Variants in DOK6 observed in about 807,000 individuals in gnomAD.
DOK6 encodes docking protein 6.
DOK6 carries 22 observed loss-of-function variants against 44.0 expected under a neutral mutation model. The observed-to-expected ratio is 0.50, with a 90% confidence interval of 0.36 to 0.71. The LOEUF is 0.71. Among genes scored for constraint, DOK6 ranks in the 30% least tolerant of loss-of-function variants. The pLI, the probability that DOK6 is intolerant of heterozygous loss-of-function variation, is 0.00. For missense variants in DOK6, 340 were observed against 416.4 expected (o/e 0.82, Z 1.60); for synonymous variants, 166 against 145.5 (o/e 1.14, Z -1.01).
intron 1 of DOK6, among the ~76,000 whole-genome samples, chr18:69,500,097 C>T (rs191610203): frequency 1.1e-3 from 169 of 152,274 alleles, no homozygotes; most frequent in African/African-American, 3.8e-3. Flanking sequence ...ACAGCCAGAA[C>T]GATGCTTGAT....
intron 1 of DOK6, among the ~76,000 whole-genome samples, chr18:69,511,186 G>A (rs1981355613): frequency 6.6e-6 from 1 of 152,098 alleles, no homozygotes; most frequent in South Asian, 2.1e-4. Flanking sequence ...CAGTTATGTA[G>A]CTCTTCAAGA....
At chr18:69,814,913 G>C (rs1175573546) in intron 7 of DOK6, among the ~76,000 whole-genome samples, 3 of 152,068 alleles carry the variant, frequency 2.0e-5, no homozygotes, top group African/African-American at 4.8e-5. Flanking sequence ...GCGACTAGCA[G>C]AGTTTGAGTG....
At chr18:69,816,776 G>A (rs1014017858) in intron 7 of DOK6, among the ~76,000 whole-genome samples, 57 of 152,162 alleles carry the variant, frequency 3.7e-4, no homozygotes, top group Admixed American at 2.6e-4. Flanking sequence ...CTTCAGAGCC[G>A]CTGGTGGCGG....
chr18:69,712,664 G>A (rs1378797551), intron 5 of DOK6, among the ~76,000 whole-genome samples: 2 of 152,114 alleles, frequency 1.3e-5, no homozygotes, highest in African/African-American at 4.8e-5. Flanking sequence ...GGCCAACATG[G>A]CGAAACCCCC....
chr18:69,441,249 A>T (rs992317210), intron 1 of DOK6, among the ~76,000 whole-genome samples: 1 of 152,174 alleles, frequency 6.6e-6, no homozygotes, highest in Non-Finnish European at 1.5e-5. Flanking sequence ...AAAATAGTAT[A>T]AAAGTATGAT....
intron 7 of DOK6, among the ~76,000 whole-genome samples, chr18:69,761,523 T>A (rs1979553413): frequency 6.6e-6 from 1 of 152,154 alleles, no homozygotes; most frequent in Non-Finnish European, 1.5e-5. Flanking sequence ...AGGTCTGTCA[T>A]CCAAAATGGA....
intron 1 of DOK6, among the ~76,000 whole-genome samples, chr18:69,459,672 G>A (rs1979734825): frequency 6.6e-6 from 1 of 152,082 alleles, no homozygotes; most frequent in Non-Finnish European, 1.5e-5. Flanking sequence ...CCATCACTAA[G>A]CTTTCATCAC....
At chr18:69,728,464 C>A (rs1172354836) in intron 5 of DOK6, among the ~76,000 whole-genome samples, 1 of 152,152 alleles carries the variant, frequency 6.6e-6, no homozygotes, top group East Asian at 1.9e-4. Flanking sequence ...CAAAGTCTGC[C>A]TGGCTAGTGA....
At chr18:69,458,895 C>G (rs936743203) in intron 1 of DOK6, among the ~76,000 whole-genome samples, 2 of 151,808 alleles carry the variant, frequency 1.3e-5, no homozygotes, top group Non-Finnish European at 2.9e-5. Context: ...AGTTCAAGAC[C>G]AGCTTGTCCA....
chr18:69,551,806 AT>A (rs1444472759), intron 1 of DOK6, among the ~76,000 whole-genome samples: 2 of 152,162 alleles, frequency 1.3e-5, no homozygotes, highest in Non-Finnish European at 2.9e-5. Context: ...ATATATGTGT[AT>A]TGTTTTTAAT....
At chr18:69,605,657 T>C (rs528101821) in intron 3 of DOK6, among the ~76,000 whole-genome samples, 1 of 152,242 alleles carries the variant, frequency 6.6e-6, no homozygotes, top group South Asian at 2.1e-4. Flanking sequence ...TATTATTATA[T>C]TGTCACAGAA....
chr18:69,744,254 G>A (rs1034225339), intron 6 of DOK6, among the ~76,000 whole-genome samples: 1 of 151,262 alleles, frequency 6.6e-6, no homozygotes, highest in African/African-American at 2.4e-5. Flanking sequence ...AGGTTGCAGT[G>A]AGCCGAGATC....
intron 1 of DOK6, among the ~76,000 whole-genome samples, chr18:69,509,662 A>AAC (rs1228605743): frequency 4.2e-5 from 5 of 118,108 alleles, no homozygotes; most frequent in South Asian, 2.8e-4. Context: ...AAAAAAAAAA[A>AAC]ACACACAAGT....
chr18:69,517,381 CTCT>C (rs1359794272), intron 1 of DOK6, among the ~76,000 whole-genome samples: 2 of 152,104 alleles, frequency 1.3e-5, no homozygotes, highest in Admixed American at 6.5e-5. Flanking sequence ...ATATTATTAG[CTCT>C]TCAATTGGCA....
chr18:69,647,058 CCTATCTGTCTATCCCAT>C (rs1985095743), intron 3 of DOK6, among the ~76,000 whole-genome samples: 3 of 126,364 alleles, frequency 2.4e-5, no homozygotes, highest in Admixed American at 7.9e-5. Context: ...ATCTGTCTAT[CCTATCTGTCTATCCCAT>C]CTGTCTATCC....
rs182485959 is a variant in DOK6, at chr18:69,498,703, A to G, written c.67-65784A>G. Among the ~76,000 whole-genome samples, 10 of 152,294 alleles carry G rather than the reference A, an allele frequency of 6.6e-5. No homozygotes were observed. The East Asian group carries it at 1.3e-3, about 21-fold the overall frequency. On this transcript the variant is annotated intron_variant, in intron 1 of 7. Transcript: ENST00000382713. ...GGTGAATTGGTTTAAGGTGATTTTTATAACTATTTTCAGAGTCAAAGCATT... is the reference window on the plus strand; with the variant it reads ...GGTGAATTGGTTTAAGGTGATTTTTGTAACTATTTTCAGAGTCAAAGCATT...
At chr18:69,734,903 A>C (rs906941020) in intron 5 of DOK6, among the ~76,000 whole-genome samples, 4 of 152,054 alleles carry the variant, frequency 2.6e-5, no homozygotes, top group African/African-American at 9.7e-5. Flanking sequence ...TCACGCCTTC[A>C]TAGAGAGCCA....
chr18:69,488,921 G>A (rs2144537857), intron 1 of DOK6, among the ~76,000 whole-genome samples: 1 of 152,240 alleles, frequency 6.6e-6, no homozygotes, highest in Non-Finnish European at 1.5e-5. Flanking sequence ...CCTGTTTATT[G>A]ATCTGTGACC....
At chr18:69,415,492 C>T (rs1336203828) in intron 1 of DOK6, among the ~76,000 whole-genome samples, 1 of 151,964 alleles carries the variant, frequency 6.6e-6, no homozygotes, top group African/African-American at 2.4e-5. Context: ...ATGAGACCAC[C>T]CCCAACCTTC....
Sources: gnomAD v4.1 joint callset for allele counts (sites outside exome capture counted in the v4.1 genomes callset) on GRCh38, gnomAD v4.1.1 for gene constraint, MANE v1.5 for transcripts, NCBI Gene and HGNC (gene_info 2026-07-23, HGNC 2026-07-21) for gene names.